Variants in FHIP1A observed in about 807,000 individuals in gnomAD.
FHIP1A encodes FHF complex subunit HOOK interacting protein 1A, also known as FHF complex subunit HOOK-interacting protein 1A.
FHIP1A carries 61 observed loss-of-function variants against 88.6 expected under a neutral mutation model. The observed-to-expected ratio is 0.69, with a 90% CI of 0.56 to 0.85. The LOEUF is 0.85. FHIP1A is among the 40% of genes least tolerant of loss of function. The pLI, the probability that FHIP1A is intolerant of heterozygous loss-of-function variation, is 0.00. For missense variants in FHIP1A, 1,154 were observed against 1,273.5 expected, an observed-to-expected ratio of 0.91 and a Z score of 1.43; for synonymous variants, 478 against 496.0, an observed-to-expected ratio of 0.96 and a Z score of 0.48.
intron 3 of FHIP1A, among the ~76,000 whole-genome samples, chr4:151,500,151 G>C (rs2126660981): frequency 6.6e-6 from 1 of 152,250 alleles, no homozygotes; most frequent in East Asian, 1.9e-4. Flanking sequence ...CTGTTTTGAT[G>C]ACATGTAATT....
At chr4:151,517,251 A>G (rs774795062) in intron 3 of FHIP1A, among the ~76,000 whole-genome samples, 3 of 151,768 alleles carry the variant, frequency 2.0e-5, no homozygotes, top group African/African-American at 4.8e-5. Context: ...GAATTGAACA[A>G]TGAGAACACA....
At chr4:151,453,888 AAAAAC>A (rs1313280672) in intron 1 of FHIP1A, among the ~76,000 whole-genome samples, 7 of 152,242 alleles carry the variant, frequency 4.6e-5, no homozygotes, top group Middle Eastern at 6.8e-3. Flanking sequence ...AAACAAAAAC[AAAAAC>A]AAAACAAAAC....
chr4:151,527,085 G>A (rs1221317374), intron 3 of FHIP1A, among the ~76,000 whole-genome samples: 1 of 151,268 alleles, frequency 6.6e-6, no homozygotes, highest in African/African-American at 2.4e-5. Flanking sequence ...GACGATGGGC[G>A]GCCGGGCAGA....
At chr4:151,565,003 T>A (rs988082035) in intron 3 of FHIP1A, among the ~76,000 whole-genome samples, 1 of 152,170 alleles carries the variant, frequency 6.6e-6, no homozygotes, top group Non-Finnish European at 1.5e-5. Flanking sequence ...TCTTACTGTT[T>A]GTAGGGAGGA....
chr4:151,453,556 G>A (rs1239324091), intron 1 of FHIP1A, among the ~76,000 whole-genome samples: 1 of 152,166 alleles, frequency 6.6e-6, no homozygotes, highest in Non-Finnish European at 1.5e-5. Context: ...TGTGTGTAAA[G>A]TATTCAGAAC....
chr4:151,637,307 A>G (rs887571306), intron 8 of FHIP1A, among the ~76,000 whole-genome samples: 1 of 152,152 alleles, frequency 6.6e-6, no homozygotes, highest in Non-Finnish European at 1.5e-5. Flanking sequence ...GAAAAAATTG[A>G]TAAATTGGAA....
rs531736134 is a variant in FHIP1A at position 151,485,202 on chromosome 4, A to G, written c.-123+2554A>G. 8.0e-5 allele frequency among the ~76,000 whole-genome samples: 12 copies of G among 150,870 alleles called. No homozygotes were observed. In the South Asian group the frequency reaches 1.5e-3, roughly 18 times the overall value. The stretch of plus-strand genomic sequence containing the variant: ...CTTCTTTTGTAAATTTAGTCTTTTT[A>G]ATTAATTCATCCATTTTGGTCTCTT... On this transcript the variant is annotated intron_variant, in intron 3 of 13. Transcript: ENST00000435205.
chr4:151,622,639 A>C (rs1735791222), intron 7 of FHIP1A, among the ~76,000 whole-genome samples: 2 of 152,206 alleles, frequency 1.3e-5, no homozygotes, highest in African/African-American at 4.8e-5. Flanking sequence ...CTCGGTGCTC[A>C]GTAACTGGTC....
intron 7 of FHIP1A, among the ~76,000 whole-genome samples, chr4:151,622,879 A>G (rs1222992666): frequency 6.6e-6 from 1 of 152,136 alleles, no homozygotes; most frequent in Non-Finnish European, 1.5e-5. Flanking sequence ...TCAATAGTTA[A>G]ACTTTATTAG....
intron 1 of FHIP1A, among the ~76,000 whole-genome samples, chr4:151,453,301 C>T (rs147452436): frequency 0.017 from 2,651 of 152,242 alleles, 73 homozygotes; most frequent in African/African-American, 0.06. Flanking sequence ...CAGGCATGAG[C>T]CACTGCACCT....
intron 7 of FHIP1A, among the ~76,000 whole-genome samples, chr4:151,605,577 T>G (rs1225625416): frequency 6.6e-6 from 1 of 152,332 alleles, no homozygotes; most frequent in African/African-American, 2.4e-5. Flanking sequence ...CCACCATCTC[T>G]TCTGTGCTGA....
chr4:151,617,466 C>G (rs1291877828), intron 7 of FHIP1A, among the ~76,000 whole-genome samples: 1 of 152,172 alleles, frequency 6.6e-6, no homozygotes, highest in African/African-American at 2.4e-5. Context: ...AGCCTTCCTT[C>G]CCTTCATGAT....
In FHIP1A at chr4:151,586,691, A is replaced by C; in HGVS notation, c.783A>C (p.Leu261=). 6.4e-7 allele frequency: 1 copy of C among 1,551,302 alleles called. No homozygotes were observed. The highest frequency in any genetic ancestry group is 8.7e-7 in the Non-Finnish European group (1 of 1,146,658). Residue 261 remains leucine, a synonymous_variant, in exon 6 of 14, where the codon CTA becomes CTC. Coordinates refer to ENST00000435205, the MANE Select transcript of FHIP1A (RefSeq NM_001109977.3). ...TCTACTCTTCCCTGCCTACAAAGCT[A>C]GAAGAGAAAGGCGAGGAATGGCACT... is the stretch of plus-strand genomic sequence containing the variant. ...SGLYSSLPTK[L]EEKGEEWHCL... is the part of the protein sequence containing the mutation.
In FHIP1A at chr4:151,439,102, G is replaced by A. The variant is rs1263425177; in HGVS notation, c.-355-15599G>A. Among the ~76,000 whole-genome samples, 9 of 152,118 alleles carry A rather than the reference G, an allele frequency of 5.9e-5. No individual in the cohort carries two copies. The East Asian group carries it at 1.4e-3, about 23-fold the overall frequency. ...TGTTTTCTTCAAATGAAGCTTAAAC[G>A]GTTGCGTTTTCCACATATAAATATG... On this transcript the variant is annotated intron_variant, in intron 1 of 13. Transcript: ENST00000435205.
chr4:151,506,489 C>T (rs1291368551), intron 3 of FHIP1A, among the ~76,000 whole-genome samples: 1 of 152,126 alleles, frequency 6.6e-6, no homozygotes, highest in African/African-American at 2.4e-5. Context: ...AGCATGGCAC[C>T]AGCATCTGCT....
At chr4:151,498,096 T>C (rs1227527288) in intron 3 of FHIP1A, among the ~76,000 whole-genome samples, 2 of 152,246 alleles carry the variant, frequency 1.3e-5, no homozygotes, top group Non-Finnish European at 2.9e-5. Flanking sequence ...CCATCTGTGT[T>C]TTTTGTATTC....
intron 1 of FHIP1A, among the ~76,000 whole-genome samples, chr4:151,434,179 C>G (rs1335670717): frequency 6.6e-6 from 1 of 152,116 alleles, no homozygotes. Flanking sequence ...ATTCCATTTT[C>G]TTTTATCCTG....
At chr4:151,644,839 A>G (rs938895096) in intron 9 of FHIP1A, among the ~76,000 whole-genome samples, 1 of 151,866 alleles carries the variant, frequency 6.6e-6, no homozygotes, top group African/African-American at 2.4e-5. Context: ...CTAGAGCAGC[A>G]TTGTCTTCTC....
intron 9 of FHIP1A, among the ~76,000 whole-genome samples, chr4:151,641,537 T>C (rs568145036): frequency 6.6e-6 from 1 of 152,390 alleles, no homozygotes; most frequent in African/African-American, 2.4e-5. Context: ...GAGATTTTTT[T>C]GCAATTTTTT....
Sources: allele counts gnomAD v4.1 joint callset (sites outside exome capture counted in the v4.1 genomes callset), GRCh38; gene constraint gnomAD v4.1.1; transcripts MANE v1.5; gene names NCBI Gene and HGNC (gene_info 2026-07-23, HGNC 2026-07-21).